TNIK: variants seen among roughly 807,000 people sequenced by gnomAD.
TNIK encodes the protein TRAF2 and NCK interacting kinase.
TNIK carries 49 observed loss-of-function variants against 191.3 expected under a neutral mutation model. That is an observed-to-expected ratio of 0.26 (90% CI 0.20 to 0.32). TNIK has a LOEUF of 0.32. Ranked by LOEUF, TNIK falls within the 10% of genes least tolerant of loss-of-function variation. TNIK has a pLI of 1.00. For synonymous variants in TNIK, 594 were observed against 600.9 expected (o/e 0.99, Z 0.17); for missense variants, 1,155 against 1,702.3 (o/e 0.68, Z 5.66).
At chr3:171,073,700 A>G (rs564869132) in intron 28 of TNIK, among the ~76,000 whole-genome samples, 83 of 152,352 alleles carry the variant, frequency 5.4e-4, no homozygotes, top group African/African-American at 1.9e-3. Context: ...AAAGGACATG[A>G]ACACACATTT....
At chr3:171,355,694 A>G (rs1713940335) in intron 2 of TNIK, among the ~76,000 whole-genome samples, 1 of 152,252 alleles carries the variant, frequency 6.6e-6, no homozygotes, top group Non-Finnish European at 1.5e-5. Context: ...ATGTTATATA[A>G]CTAAAACCTG....
At chr3:171,172,371 T>G (rs952007205) in intron 9 of TNIK, among the ~76,000 whole-genome samples, 1 of 152,206 alleles carries the variant, frequency 6.6e-6, no homozygotes, top group Non-Finnish European at 1.5e-5. Context: ...TTTTGGAATT[T>G]TGTCTCTTGG....
chr3:171,454,601 A>G (rs1057312139), intron 1 of TNIK, among the ~76,000 whole-genome samples: 1 of 152,154 alleles, frequency 6.6e-6, no homozygotes, highest in Non-Finnish European at 1.5e-5. Flanking sequence ...ATACCAGCAC[A>G]CCCTACTTTT....
chr3:171,249,720 C>G (rs1321551600), intron 2 of TNIK, among the ~76,000 whole-genome samples: 1 of 152,132 alleles, frequency 6.6e-6, no homozygotes, highest in Non-Finnish European at 1.5e-5. Flanking sequence ...AAGTGAGGAG[C>G]CTGCAGGAAA....
chr3:171,460,039 T>G lies in TNIK; in HGVS notation c.25A>C (p.Ser9Arg). 1 of 1,609,136 alleles carries G rather than the reference T, an allele frequency of 6.2e-7. No homozygotes were observed. Among genetic ancestry groups the G allele is most frequent in the Admixed American group, 1.7e-5 (1 of 59,512 alleles). Residue 9 changes from serine to arginine, a missense_variant, in exon 1 of 33, where the codon AGC (serine) becomes CGC (arginine). Transcript: ENST00000436636. This position sits in a 1 kb window ranked among gnomAD's most constrained non-coding sequence, Gnocchi z 6.8. ...GCCGAGAGATCTATTTCATCCAGGC[T>G]TCGAGCCGGGGAGTCGCTCGCCATG... Reference protein sequence around the residue: MASDSPARSLDEIDLSALR... With the variant: MASDSPARRLDEIDLSALR...
intron 1 of TNIK, 91 bp from the exon 2 acceptor site, chr3:171,369,776 T>C (rs1258514127): frequency 9.3e-7 from 1 of 1,073,304 alleles, no homozygotes; most frequent in African/African-American, 1.5e-5. Flanking sequence ...ATTAAGCAAA[T>C]AAATAACAAC....
intron 22 of TNIK, among the ~76,000 whole-genome samples, chr3:171,101,176 A>C (rs1469568700): frequency 1.3e-5 from 2 of 152,116 alleles, no homozygotes; most frequent in Non-Finnish European, 2.9e-5. Context: ...TTAAGATGAA[A>C]AGAACAAGAA....
chr3:171,332,924 G>T (rs1377831293), intron 2 of TNIK, among the ~76,000 whole-genome samples: 4 of 152,132 alleles, frequency 2.6e-5, no homozygotes, highest in Non-Finnish European at 5.9e-5. Flanking sequence ...GGACATTTTT[G>T]TCAGAACGAC....
intron 2 of TNIK, among the ~76,000 whole-genome samples, chr3:171,277,212 C>T (rs777772288): frequency 2.0e-5 from 3 of 152,160 alleles, no homozygotes; most frequent in Non-Finnish European, 4.4e-5. Flanking sequence ...AGCCCCTTGA[C>T]CTTGAGATCT....
chr3:171,184,183 C>T (rs1737075891), intron 7 of TNIK, among the ~76,000 whole-genome samples: 2 of 152,060 alleles, frequency 1.3e-5, no homozygotes, highest in South Asian at 4.1e-4. Context: ...GAGGCAAAGT[C>T]TAAACTGGTC....
chr3:171,348,034 C>CTG (rs2108428376), intron 2 of TNIK, among the ~76,000 whole-genome samples: 1 of 152,296 alleles, frequency 6.6e-6, no homozygotes, highest in African/African-American at 2.4e-5. Context: ...TTAAGGTTGT[C>CTG]TGTGCATGGT....
chr3:171,185,591 A>T lies in TNIK; in HGVS notation c.639+3111T>A, dbSNP rs189167819. ...AGGGGAAAGCCAGCACACCCGGCAA[A>T]TGAGATTCTGGCACTCCTCCTTAGG... On this transcript the variant is annotated intron_variant, in intron 7 of 32. Transcript: ENST00000436636. 5.9e-5 allele frequency among the ~76,000 whole-genome samples: 9 copies of T among 152,282 alleles called. No homozygotes were observed. In the East Asian group the frequency reaches 1.7e-3, roughly 29 times the overall value.
intron 1 of TNIK, among the ~76,000 whole-genome samples, chr3:171,420,410 C>G (rs1004205084): frequency 6.6e-6 from 1 of 152,142 alleles, no homozygotes; most frequent in Non-Finnish European, 1.5e-5. Flanking sequence ...GCCCACCTCT[C>G]CAGCACTTCT....
At chr3:171,271,710 T>C (rs539311812) in intron 2 of TNIK, among the ~76,000 whole-genome samples, 11 of 152,218 alleles carry the variant, frequency 7.2e-5, no homozygotes, top group Non-Finnish European at 1.3e-4. Flanking sequence ...GACCATGTCT[T>C]AATCATGTCT....
At position 171,434,024 on chromosome 3, in the gene TNIK, C is replaced by T. The variant is rs545488858; in HGVS notation, c.57+25983G>A. On this transcript the variant is annotated intron_variant, in intron 1 of 32. Coordinates refer to ENST00000436636, the MANE Select transcript of TNIK (RefSeq NM_015028.4). ...GCAGAAGCATGAGCTCAGCTCGCTA[C>T]AACCACCACCTCCTGGGTTCAAGTG... Among the ~76,000 whole-genome samples, 323 of 131,882 alleles carry T rather than the reference C, an allele frequency of 2.4e-3. 2 individuals are homozygous for T. Among genetic ancestry groups the T allele is most frequent in the African/African-American group, 8.4e-3 (302 of 35,876 alleles). The allele number at this position is 131,882 out of a possible 152,430, so 86.5% of individuals were successfully genotyped here.
intron 21 of TNIK, among the ~76,000 whole-genome samples, chr3:171,103,987 AATAATTTT>A (rs1724127444): frequency 6.6e-6 from 1 of 152,132 alleles, no homozygotes. Flanking sequence ...TGAACTGCTT[AATAATTTT>A]GCTTTTAATT....
intron 2 of TNIK, among the ~76,000 whole-genome samples, chr3:171,336,661 C>G (rs1404261541): frequency 2.0e-5 from 3 of 152,140 alleles, no homozygotes; most frequent in Admixed American, 2.0e-4. Context: ...TAATAAGTGT[C>G]CTTGGGATCA....
intron 2 of TNIK, among the ~76,000 whole-genome samples, chr3:171,278,111 T>C (rs548670673): frequency 2.0e-5 from 3 of 152,296 alleles, no homozygotes; most frequent in East Asian, 1.9e-4. Context: ...GGGACGAACA[T>C]GACATGCCTC....
intron 15 of TNIK, among the ~76,000 whole-genome samples, chr3:171,135,626 A>T (rs1480188450): frequency 6.6e-6 from 1 of 152,198 alleles, no homozygotes; most frequent in East Asian, 1.9e-4. Context: ...ATGTTCCCAT[A>T]TATCTGTGGA....
Sources: gnomAD v4.1 joint callset for allele counts (sites outside exome capture counted in the v4.1 genomes callset) on GRCh38, gnomAD v4.1.1 for gene constraint, Gnocchi (gnomAD v3.1) non-coding constraint, MANE v1.5 for transcripts, NCBI Gene and HGNC (gene_info 2026-07-23, HGNC 2026-07-21) for gene names.